Variants in CLCN5 observed in about 807,000 individuals in gnomAD.
The protein encoded by CLCN5 is H(+)/Cl(-) exchange transporter 5.
A neutral mutation model predicts 54.0 loss-of-function variants in CLCN5; 17 were observed. The ratio of observed to expected loss-of-function variants is 0.31; its 90% CI spans 0.22 to 0.47. CLCN5 has a LOEUF of 0.47. CLCN5 is among the 20% of genes least tolerant of loss of function. CLCN5 has a pLI of 1.00. For synonymous variants in CLCN5, 222 were observed against 233.0 expected (o/e 0.95, Z 0.43); for missense variants, 448 against 646.7 (o/e 0.69, Z 3.33).
chrX:49,931,251 T>C (rs1557168847), intron 3 of CLCN5, among the ~76,000 whole-genome samples: 1 of 111,649 alleles, frequency 9.0e-6, no homozygotes, highest in Non-Finnish European at 1.9e-5. Flanking sequence ...ATTATTATTA[T>C]TGTTGCTATT....
At chrX:50,064,651 A>G (rs1557190506) in intron 4 of CLCN5, among the ~76,000 whole-genome samples, 1 of 100,500 alleles carries the variant, frequency 1.0e-5, no homozygotes, top group African/African-American at 3.8e-5. Flanking sequence ...ACAGAATTGG[A>G]AAAAACTACT....
chrX:50,069,886 G>A lies in CLCN5; in HGVS notation c.171G>A (p.Lys57=). The A allele has an allele frequency of 2.5e-6, 3 of 1,207,197 alleles. No homozygotes were observed. Among genetic ancestry groups the A allele is most frequent in the Non-Finnish European group, 1.1e-6 (1 of 893,109 alleles). The change falls in exon 5 of 15, where the codon AAG becomes AAA. Residue 57 remains lysine (K), a synonymous_variant. Transcript: ENST00000376091. ...PPLDREVGED[K]SYNGGGIGSS... The stretch of plus-strand genomic sequence containing the variant: ...ATTTCTTGTTCAATACAGAGGACAA[G>A]TCGTACAATGGTGGAGGAATAGGTT...
At chrX:49,945,274 C>T (rs1243434800) in intron 3 of CLCN5, 3 of 111,489 alleles carry the variant, frequency 2.7e-5, no homozygotes, top group Non-Finnish European at 5.6e-5. Context: ...ATAATTATTT[C>T]TTAGTATGAA....
intron 3 of CLCN5, among the ~76,000 whole-genome samples, chrX:50,034,991 C>G (rs782736148): frequency 9.0e-6 from 1 of 111,390 alleles, no homozygotes; most frequent in Non-Finnish European, 1.9e-5. Flanking sequence ...CATTGACTTA[C>G]CAGGTCCTTC....
At chrX:50,020,888 A>G (rs1931057718) in intron 3 of CLCN5, among the ~76,000 whole-genome samples, 1 of 27,103 alleles carries the variant, frequency 3.7e-5, no homozygotes, top group Non-Finnish European at 5.8e-5. Context: ...GTAGCCTTGT[A>G]GTATAGTTTG....
At chrX:50,064,108 G>A (rs1932919052) in intron 4 of CLCN5, among the ~76,000 whole-genome samples, 1 of 106,760 alleles carries the variant, frequency 9.4e-6, no homozygotes, top group African/African-American at 3.4e-5. Flanking sequence ...ACAAGACAGG[G>A]ATGCCCTCTC....
chrX:49,939,834 G>A (rs1024557952), intron 3 of CLCN5, among the ~76,000 whole-genome samples: 1 of 111,359 alleles, frequency 9.0e-6, no homozygotes, highest in African/African-American at 3.3e-5. Flanking sequence ...GTGCTTTGTG[G>A]TATCTCTTAC....
chrX:49,990,985 T>C (rs782080094), intron 3 of CLCN5, among the ~76,000 whole-genome samples: 1 of 112,873 alleles, frequency 8.9e-6, no homozygotes, highest in East Asian at 2.8e-4. Flanking sequence ...TGGTTCCATA[T>C]TTTTGCAATT....
chrX:49,988,749 C>T (rs1214197938), intron 3 of CLCN5, among the ~76,000 whole-genome samples: 1 of 111,912 alleles, frequency 8.9e-6, no homozygotes, highest in Non-Finnish European at 1.9e-5. Flanking sequence ...TAAAATTACT[C>T]TGTCAAATTG....
At chrX:50,039,061 T>C (rs2147471166) in intron 3 of CLCN5, among the ~76,000 whole-genome samples, 1 of 111,738 alleles carries the variant, frequency 8.9e-6, no homozygotes, top group Non-Finnish European at 1.9e-5. Flanking sequence ...GGAGGATTGC[T>C]TGAGCCCAGG....
intron 3 of CLCN5, among the ~76,000 whole-genome samples, chrX:49,936,596 G>C (rs1199014716): frequency 8.9e-6 from 1 of 112,183 alleles, no homozygotes; most frequent in Non-Finnish European, 1.9e-5. Flanking sequence ...TCAGTGTTTT[G>C]CTATTTTTAT....
intron 7 of CLCN5, among the ~76,000 whole-genome samples, chrX:50,079,055 C>T (rs1933564741): frequency 9.0e-6 from 1 of 111,614 alleles, no homozygotes; most frequent in Non-Finnish European, 1.9e-5. Context: ...GATCTCCTGA[C>T]CTCGTGATCC....
Position 50,058,533 on chromosome X carries a change from A to G in CLCN5, c.164-11346A>G, listed in dbSNP as rs146004444. On this transcript the variant is annotated intron_variant, in intron 4 of 14. Coordinates refer to ENST00000376091, the MANE Select transcript of CLCN5 (RefSeq NM_001127898.4). ...CCATAATGAGAACTGAGTTAAATAC[A>G]TTCATTTATATGCCTCCTCATTCAA... Among the ~76,000 whole-genome samples, 235 of 111,533 alleles carry G rather than the reference A, an allele frequency of 2.1e-3. 1 individual carries two copies. Among genetic ancestry groups the G allele is most frequent in the East Asian group, 1.1e-3 (4 of 3,560 alleles).
intron 3 of CLCN5, among the ~76,000 whole-genome samples, chrX:49,956,298 G>A: frequency 8.9e-6 from 1 of 112,082 alleles, no homozygotes; most frequent in Middle Eastern, 4.6e-3. Flanking sequence ...ACTCTGGAGT[G>A]GGTCTGCCTG....
Position 50,080,646 on chromosome X carries a change from T to C in CLCN5, c.656T>C (p.Leu219Pro), listed in dbSNP as rs781799509. ...NYFMYVLWALLFAFLAVSLVK... is the reference protein window; with the variant it reads ...NYFMYVLWALPFAFLAVSLVK... ...TTCATGTACGTCCTCTGGGCTCTCC[T>C]ATTTGCCTTCCTTGCCGTATCTCTT... is the stretch of plus-strand genomic sequence containing the variant. Residue 219 changes from leucine (L) to proline (P), a missense_variant, in exon 8 of 15, where the codon CTA becomes CCA. Physicochemically the swap from Leu to Pro is moderately conservative, Grantham distance 98 (BLOSUM62 -3). Around this residue, in one of 5 missense-constraint regions of CLCN5, gnomAD observed 40 missense variants for 27.8 expected, o/e 1.44. Transcript: ENST00000376091. 2 of 1,204,253 alleles carry C rather than the reference T, an allele frequency of 1.7e-6. No individual in the cohort carries two copies. Among genetic ancestry groups the C allele is most frequent in the Non-Finnish European group, 2.2e-6 (2 of 890,456 alleles).
At chrX:50,004,998 A>G (rs1400773174) in intron 3 of CLCN5, among the ~76,000 whole-genome samples, 2 of 112,360 alleles carry the variant, frequency 1.8e-5, no homozygotes, top group Non-Finnish European at 3.8e-5. Flanking sequence ...ATCATAAATT[A>G]GGATCCAGAT....
At chrX:49,925,546 G>T (rs1302100350) in intron 3 of CLCN5, among the ~76,000 whole-genome samples, 7 of 112,393 alleles carry the variant, frequency 6.2e-5, no homozygotes, top group Non-Finnish European at 1.1e-4. Flanking sequence ...CATGCCAGCA[G>T]CATTTAAAAG....
chrX:50,084,221 A>G (rs184457080), intron 9 of CLCN5, among the ~76,000 whole-genome samples: 1 of 112,320 alleles, frequency 8.9e-6, no homozygotes, highest in East Asian at 2.8e-4. Flanking sequence ...ACTGTGAGCA[A>G]TTGTAACACA....
At chrX:49,963,021 G>A (rs6610124) in intron 3 of CLCN5, among the ~76,000 whole-genome samples, 3,535 of 111,778 alleles carry the variant, frequency 0.032, 133 homozygotes, top group African/African-American at 0.11. Context: ...GGAGCTGAGA[G>A]GTGAAAGAAG....
Sources: allele counts gnomAD v4.1 joint callset (sites outside exome capture counted in the v4.1 genomes callset), GRCh38; gene constraint gnomAD v4.1.1; regional missense constraint gnomAD v4.1.1; transcripts MANE v1.5; gene names NCBI Gene and HGNC (gene_info 2026-07-23, HGNC 2026-07-21).